The following NKAIN4 variants were observed in gnomAD, a reference collection of about 807,000 sequenced individuals.
NKAIN4 encodes the protein sodium/potassium transporting ATPase interacting 4.
A neutral mutation model predicts 28.8 loss-of-function variants in NKAIN4; 28 were observed. The observed-to-expected ratio is 0.97, with a 90% CI of 0.72 to 1.33. The LOEUF is 1.33. Among genes scored for constraint, NKAIN4 ranks in the 40% most tolerant of loss-of-function variants. NKAIN4 has a pLI of 0.00. For missense variants in NKAIN4, 289 were observed against 277.2 expected, an observed-to-expected ratio of 1.04 and a Z score of -0.30; for synonymous variants, 122 against 115.6, an observed-to-expected ratio of 1.06 and a Z score of -0.36.
rs978914264 is a variant in NKAIN4 at position 63,253,241 on chromosome 20, G to A, written c.54+1156C>T. ...ACTGAAAGATACCAACTGTTCCAAG[G>A]CCTGGGATGGTCCTTGGGCCCCCAG... is the stretch of plus-strand genomic sequence containing the variant. On this transcript the variant is annotated intron_variant, in intron 1 of 6. Coordinates refer to ENST00000370316, the MANE Select transcript of NKAIN4 (RefSeq NM_152864.4). 31 of 985,360 alleles carry A rather than the reference G, an allele frequency of 3.1e-5. 1 individual carries two copies. The African/African-American group carries it at 4.7e-4, about 15-fold the overall frequency. 61.0% of individuals were successfully genotyped at this position (985,360 alleles called of 1,614,324 possible). A position where few individuals can be genotyped will look rare whatever the true frequency, so the allele number is the denominator to read the frequency against.
Position 63,243,329 on chromosome 20 carries a change from G to A in NKAIN4, c.532+695C>T, listed in dbSNP as rs75430262. Among the ~76,000 whole-genome samples the A allele has an allele frequency of 1.5e-4, 23 of 152,172 alleles. No homozygotes were observed. In the East Asian group the frequency reaches 3.9e-3, roughly 26 times the overall value. ...CTGAGGGTAGGGTGCCCTTTGACACGTGGACTGCTGACCCCATGGCCCCTG... is the reference window on the plus strand; with the variant it reads ...CTGAGGGTAGGGTGCCCTTTGACACATGGACTGCTGACCCCATGGCCCCTG... On this transcript the variant is annotated intron_variant, in intron 5 of 6. Coordinates refer to ENST00000370316, the MANE Select transcript of NKAIN4 (RefSeq NM_152864.4).
rs553726057 is a variant in NKAIN4 at position 63,252,825 on chromosome 20, C to T, written c.54+1572G>A. Among the ~76,000 whole-genome samples, 108 of 152,298 alleles carry T rather than the reference C, an allele frequency of 7.1e-4. No individual in the cohort carries two copies. Among genetic ancestry groups the T allele is most frequent in the Non-Finnish European group, 1.0e-3 (70 of 68,012 alleles). On this transcript the variant is annotated intron_variant, in intron 1 of 6. Transcript: ENST00000370316. The surrounding 1 kb of genome is among the most constrained non-coding windows in gnomAD (Gnocchi z 4.6). ...TCTACTGTCCACCGCAGAGGTGAAA[C>T]GGGAACATGACCCCACCCGCCCCTC...
chr20:63,243,962 C>T, intron 5 of NKAIN4, 62 bp downstream of exon 5: 1 of 1,420,408 alleles, frequency 7.0e-7, no homozygotes, highest in Non-Finnish European at 9.8e-7. Flanking sequence ...ACGGGACAGA[C>T]TCAGAGCTGC....
intron 1 of NKAIN4, among the ~76,000 whole-genome samples, chr20:63,253,058 G>A (rs1361294647): frequency 1.3e-5 from 2 of 152,178 alleles, no homozygotes; most frequent in Non-Finnish European, 2.9e-5. Flanking sequence ...CACTGGCCAT[G>A]CTCCAAACTG....
At chr20:63,247,009 A>T in intron 4 of NKAIN4, 1 of 998,790 alleles carries the variant, frequency 1.0e-6, no homozygotes, top group Non-Finnish European at 1.2e-6. Context: ...GTTCCCGCAC[A>T]AGCAACAGCT....
At chr20:63,242,500 C>T (rs1166935923) in intron 6 of NKAIN4, 39 bp downstream of exon 6, 2 of 1,488,238 alleles carry the variant, frequency 1.3e-6, no homozygotes, top group East Asian at 2.3e-5. Flanking sequence ...CCAGATTGGC[C>T]AGGCTGGCCG....
In NKAIN4 at chr20:63,253,792, C is replaced by T. The variant is rs1169743896; in HGVS notation, c.54+605G>A. 2.6e-5 allele frequency among the ~76,000 whole-genome samples: 4 copies of T among 152,256 alleles called. No individual in the cohort carries two copies. The East Asian group carries it at 7.8e-4, about 30-fold the overall frequency. On this transcript the variant is annotated intron_variant, in intron 1 of 6. Transcript: ENST00000370316. ...CCGCGCTGCGCCCCGGGCATCGGCT[C>T]CAGCCCCTTCTCGCCTCCGCGTAGC...
rs1486047658 is a variant in NKAIN4, at chr20:63,245,770, A to G, written c.472-1686T>C. Among the ~76,000 whole-genome samples the G allele has an allele frequency of 6.6e-6, 1 of 151,996 alleles. No homozygotes were observed. The highest frequency in any genetic ancestry group is 2.4e-5 in the African/African-American group (1 of 41,364). On this transcript the variant is annotated intron_variant, in intron 4 of 6. Coordinates refer to ENST00000370316, the MANE Select transcript of NKAIN4 (RefSeq NM_152864.4). The surrounding 1 kb of genome is among the most constrained non-coding windows in gnomAD (Gnocchi z 4.7). Reference sequence around the variant, plus strand: ...GAGGACTAGCTGGCTGGAATTTAGAAACTACATCCTATCAAAGAAATTCCC... The same window carrying G: ...GAGGACTAGCTGGCTGGAATTTAGAGACTACATCCTATCAAAGAAATTCCC...
chr20:63,253,018 A>C (rs2066987709), intron 1 of NKAIN4, among the ~76,000 whole-genome samples: 1 of 152,052 alleles, frequency 6.6e-6, no homozygotes, highest in Non-Finnish European at 1.5e-5. Flanking sequence ...AAGCAGCCTC[A>C]CTTCCTGACG....
chr20:63,241,327 T>A lies in NKAIN4; in HGVS notation c.*170A>T. Reference sequence around the variant, plus strand: ...TTGACGCTGCAGCCAGCCGTGGCACTGCCCTGCCGCCCTGGCTGGTGTCCA... The same window carrying A: ...TTGACGCTGCAGCCAGCCGTGGCACAGCCCTGCCGCCCTGGCTGGTGTCCA... On this transcript the variant is annotated 3_prime_UTR_variant, in exon 7 of 7. Coordinates refer to ENST00000370316, the MANE Select transcript of NKAIN4 (RefSeq NM_152864.4). The A allele has an allele frequency of 1.6e-6, 1 of 623,324 alleles. No homozygotes were observed. Among genetic ancestry groups the A allele is most frequent in the Middle Eastern group, 3.8e-4 (1 of 2,636 alleles). 38.6% of individuals were successfully genotyped at this position (623,324 alleles called of 1,614,324 possible). A position where few individuals can be genotyped will look rare whatever the true frequency, so the allele number is the denominator to read the frequency against.
chr20:63,249,064 C>A, intron 2 of NKAIN4, 169 bp from the exon 3 acceptor site: 1 of 600,356 alleles, frequency 1.7e-6, no homozygotes, highest in Non-Finnish European at 3.0e-6. Context: ...CCCCCAAGCC[C>A]ACCCTGGGAC....
chr20:63,253,623 G>C (rs1490984005), intron 1 of NKAIN4: 8 of 639,592 alleles, frequency 1.3e-5, no homozygotes, highest in Non-Finnish European at 1.6e-5. Flanking sequence ...CTGGACAGGC[G>C]AGGCCTTTGT....
At chr20:63,249,155 G>A (rs377594214) in intron 2 of NKAIN4, 30 of 500,450 alleles carry the variant, frequency 6.0e-5, no homozygotes, top group South Asian at 3.0e-4. Flanking sequence ...AGCGCAGGTC[G>A]GCGTACGGAC....
chr20:63,254,433 G>A lies in NKAIN4; in HGVS notation c.18C>T (p.Gly6=). 2.1e-6 allele frequency: 3 copies of A among 1,431,368 alleles called. No individual in the cohort carries two copies. The highest frequency in any genetic ancestry group is 2.7e-6 in the Non-Finnish European group (3 of 1,091,640). The allele number at this position is 1,431,368 out of a possible 1,614,324, so 88.7% of individuals were successfully genotyped here. ...CGCAGAGGACGACGAGCGCGCAGCG[G>A]CCGGAGCAGGAGCCCATGGTGCCCG... The part of the protein sequence containing the change: MGSCS[G]RCALVVLCAF... Residue 6 remains glycine, a synonymous_variant, in exon 1 of 7, where the codon GGC becomes GGT. Coordinates refer to ENST00000370316, the MANE Select transcript of NKAIN4 (RefSeq NM_152864.4).
Position 63,245,625 on chromosome 20 carries a change from C to T in NKAIN4, c.472-1541G>A, listed in dbSNP as rs1330880550. On this transcript the variant is annotated intron_variant, in intron 4 of 6. Transcript: ENST00000370316. The surrounding 1 kb of genome is among the most constrained non-coding windows in gnomAD (Gnocchi z 4.7). ...CGCACCCCAACCCCCAGAGCCTGGC[C>T]TTGTCAGACGACTCTCTTGCCACCA... is the stretch of plus-strand genomic sequence containing the variant. Among the ~76,000 whole-genome samples the T allele has an allele frequency of 6.6e-6, 1 of 152,150 alleles. No individual in the cohort carries two copies. Among genetic ancestry groups the T allele is most frequent in the Non-Finnish European group, 1.5e-5 (1 of 68,020 alleles).
At chr20:63,251,062 G>A (rs1000428627) in intron 1 of NKAIN4, among the ~76,000 whole-genome samples, 9 of 152,188 alleles carry the variant, frequency 5.9e-5, no homozygotes, top group Admixed American at 3.3e-4. Context: ...AAAAGGGCAG[G>A]GTAAGGAGTG....
At chr20:63,254,570 TCCCCGCAA>T (rs1281110172), upstream of NKAIN4, 12 of 576,502 alleles carry the variant, frequency 2.1e-5, no homozygotes, top group Non-Finnish European at 2.8e-5. Context: ...TCCCCCCTCC[TCCCCGCAA>T]CCCCCGGCCC....
chr20:63,248,973 G>T, intron 2 of NKAIN4, 78 bp from the exon 3 acceptor site: 1 of 975,946 alleles, frequency 1.0e-6, no homozygotes, highest in South Asian at 1.3e-5. Context: ...CCCGGGGGAA[G>T]GGGTCCCATG....
At chr20:63,248,791 C>G (rs117617608) in intron 3 of NKAIN4, 24 bp downstream of exon 3, 1 of 1,542,540 alleles carries the variant, frequency 6.5e-7, no homozygotes, top group South Asian at 1.1e-5. Flanking sequence ...AAGGACCTCG[C>G]GCTGCCTCCC....
Sources: allele counts gnomAD v4.1 joint callset (sites outside exome capture counted in the v4.1 genomes callset), GRCh38; gene constraint gnomAD v4.1.1; non-coding constraint Gnocchi (gnomAD v3.1); transcripts MANE v1.5; gene names NCBI Gene and HGNC (gene_info 2026-07-23, HGNC 2026-07-21).